The following MFN2 variants were observed in gnomAD, a reference collection of about 807,000 sequenced individuals.
MFN2 encodes mitofusin-2.
A neutral mutation model predicts 87.5 loss-of-function variants in MFN2; 43 were observed. That is an observed-to-expected ratio of 0.49 (90% CI 0.38 to 0.63). MFN2 has a LOEUF of 0.63. Ranked by LOEUF, MFN2 falls within the 30% of genes least tolerant of loss-of-function variation. MFN2 has a pLI of 0.00. For synonymous variants in MFN2, 337 were observed against 359.9 expected (o/e 0.94, Z 0.72); for missense variants, 743 against 972.8 (o/e 0.76, Z 3.14).
intron 15 of MFN2, 58 bp downstream of exon 15, chr1:12,005,989 C>CAGA: frequency 6.5e-7 from 1 of 1,532,670 alleles, no homozygotes; most frequent in South Asian, 1.1e-5. Context: ...ACCCTGCCTC[C>CAGA]AGACACGGGA....
intron 3 of MFN2, among the ~76,000 whole-genome samples, chr1:11,991,238 G>A (rs1638660861): frequency 1.3e-5 from 2 of 152,242 alleles, no homozygotes; most frequent in South Asian, 4.1e-4. Flanking sequence ...GGGTGCTGGG[G>A]TCAGATAGTG....
intron 3 of MFN2, among the ~76,000 whole-genome samples, chr1:11,991,303 T>C (rs1638663413): frequency 6.6e-6 from 1 of 151,736 alleles, no homozygotes; most frequent in East Asian, 1.9e-4. Context: ...TACCTTATGG[T>C]GAGGTGAGAG....
rs41278638 is a variant in MFN2, at chr1:12,012,665, A to G, written c.*1100A>G. On this transcript the variant is annotated 3_prime_UTR_variant, in exon 19 of 19. Transcript: ENST00000235329. ...CAGTGACTGCAGTTGGCCAAGGGAC[A>G]ATGTGGAAAACCCAGTGTCCATCTT... 0.047 allele frequency: 7,178 copies of G among 152,412 alleles called. 238 individuals carry two copies. Among genetic ancestry groups the G allele is most frequent in the South Asian group, 0.13 (634 of 4,822 alleles). 9.4% of individuals were successfully genotyped at this position (152,412 alleles called of 1,614,324 possible). A position where few individuals can be genotyped will look rare whatever the true frequency, so the allele number is the denominator to read the frequency against.
At chr1:12,005,027 C>T in intron 14 of MFN2, 100 bp downstream of exon 14, 1 of 921,932 alleles carries the variant, frequency 1.1e-6, no homozygotes. Flanking sequence ...TTATCTGTCA[C>T]TTTTCATGAT....
At chr1:11,989,857 T>A (rs938593418) in intron 3 of MFN2, among the ~76,000 whole-genome samples, 5 of 152,202 alleles carry the variant, frequency 3.3e-5, no homozygotes, top group African/African-American at 1.2e-4. Flanking sequence ...TACTAGTTAC[T>A]AATTTGAGCC....
chr1:11,999,716 G>A (rs1288106663), intron 8 of MFN2, among the ~76,000 whole-genome samples: 1 of 152,068 alleles, frequency 6.6e-6, no homozygotes, highest in Non-Finnish European at 1.5e-5. Flanking sequence ...GCATGGTGGT[G>A]CACACCTATA....
Position 12,011,819 on chromosome 1 carries a change from G to A in MFN2, c.*254G>A. On this transcript the variant is annotated 3_prime_UTR_variant, in exon 19 of 19. Coordinates refer to ENST00000235329, the MANE Select transcript of MFN2 (RefSeq NM_014874.4). ...CAGCTATGGACAGCATGGTACCAAGGAGTTAAGTTGAGGCTTTTTCCAGCT... is the reference window on the plus strand; with the variant it reads ...CAGCTATGGACAGCATGGTACCAAGAAGTTAAGTTGAGGCTTTTTCCAGCT... 1 of 565,812 alleles carries A rather than the reference G, an allele frequency of 1.8e-6. No homozygotes were observed. Among genetic ancestry groups the A allele is most frequent in the Non-Finnish European group, 3.2e-6 (1 of 315,558 alleles). 35.0% of individuals were successfully genotyped at this position (565,812 alleles called of 1,614,324 possible).
chr1:11,987,491 A>C (rs989177524), intron 2 of MFN2, among the ~76,000 whole-genome samples: 3 of 151,700 alleles, frequency 2.0e-5, no homozygotes, highest in African/African-American at 7.3e-5. Context: ...TTAGCCGGGC[A>C]TGGTGGCGAG....
In MFN2 at chr1:12,013,311, G is replaced by T. The variant is rs777822288; in HGVS notation, c.*1746G>T. The T allele has an allele frequency of 4.7e-5, 22 of 469,212 alleles. No homozygotes were observed. The highest frequency in any genetic ancestry group is 3.4e-4 in the South Asian group (22 of 63,912). 29.1% of individuals were successfully genotyped at this position (469,212 alleles called of 1,614,324 possible). A position where few individuals can be genotyped will look rare whatever the true frequency, so the allele number is the denominator to read the frequency against. ...ATTAAATTTATACCACTGAGGGAGAGACCCTTTCTGAAAGAAGTATGGCCA... is the reference window on the plus strand; with the variant it reads ...ATTAAATTTATACCACTGAGGGAGATACCCTTTCTGAAAGAAGTATGGCCA... On this transcript the variant is annotated 3_prime_UTR_variant, in exon 19 of 19. Transcript: ENST00000235329.
rs773334200 is a variant in MFN2 at position 12,002,142 on chromosome 1, C to G, written c.1160+39C>G. 6.8e-6 allele frequency: 11 copies of G among 1,612,822 alleles called. No individual in the cohort carries two copies. In the Admixed American group the frequency reaches 1.3e-4, roughly 20 times the overall value. ...ACTGCAGATAGGTGGAGAGAGCTGC[C>G]GAGACAAGGGTGCTCCACCCCTGCC... On this transcript the variant is annotated intron_variant, in intron 11 of 18. Transcript: ENST00000235329.
chr1:11,980,623 C>T (rs926098322), intron 1 of MFN2, 139 bp downstream of exon 1: 3 of 396,108 alleles, frequency 7.6e-6, no homozygotes, highest in Non-Finnish European at 1.3e-5. Flanking sequence ...CACTCTCCGG[C>T]CTCGCCGCCG....
At chr1:12,009,517 A>G in intron 17 of MFN2, 75 bp from the exon 18 acceptor site, 4 of 1,602,772 alleles carry the variant, frequency 2.5e-6, no homozygotes, top group Middle Eastern at 1.8e-4. Context: ...GCTGCTCCCT[A>G]CTGTGGGTGG....
At chr1:12,008,693 G>A (rs1240193540) in intron 17 of MFN2, among the ~76,000 whole-genome samples, 2 of 151,898 alleles carry the variant, frequency 1.3e-5, no homozygotes, top group African/African-American at 4.8e-5. Flanking sequence ...ATGGGATGGC[G>A]GCCGGGAAGA....
chr1:11,996,404 A>C lies in MFN2; in HGVS notation c.474+86A>C, dbSNP rs6678781. On this transcript the variant is annotated intron_variant, in intron 5 of 18. Coordinates refer to ENST00000235329, the MANE Select transcript of MFN2 (RefSeq NM_014874.4). The stretch of plus-strand genomic sequence containing the variant: ...GACACGGCTGACCTCACCTCTAGGG[A>C]GGGGGCAGCACCACCCTGTGGAGGT... 3,073 of 1,507,658 alleles carry C rather than the reference A, an allele frequency of 2.0e-3. 58 individuals carry two copies. The African/African-American group carries it at 0.038, about 19-fold the overall frequency. The allele number at this position is 1,507,658 out of a possible 1,614,324, so 93.4% of individuals were successfully genotyped here. A position where few individuals can be genotyped will look rare whatever the true frequency, so the allele number is the denominator to read the frequency against.
rs747291228 is a variant in MFN2 at position 12,012,173 on chromosome 1, TG to T, written c.*610del. ...GCTGAGGCGGGCCCTGTGCTGGGGG[TG>T]GTAGAAAGGATGCTGCTGAGGCAGC... On this transcript the variant is annotated 3_prime_UTR_variant, in exon 19 of 19. Coordinates refer to ENST00000235329, the MANE Select transcript of MFN2 (RefSeq NM_014874.4). The T allele has an allele frequency of 2.3e-4, 36 of 156,150 alleles. No homozygotes were observed. The highest frequency in any genetic ancestry group is 3.8e-4 in the Non-Finnish European group (27 of 70,514). 9.7% of individuals were successfully genotyped at this position (156,150 alleles called of 1,614,324 possible).
At chr1:12,009,487 C>T in intron 17 of MFN2, 105 bp from the exon 18 acceptor site, 1 of 1,509,184 alleles carries the variant, frequency 6.6e-7, no homozygotes, top group Non-Finnish European at 9.2e-7. Flanking sequence ...GAGCTGCTGG[C>T]AGGGATATAG....
intron 6 of MFN2, among the ~76,000 whole-genome samples, chr1:11,998,134 A>G (rs141692260): frequency 0.043 from 6,500 of 151,202 alleles, 228 homozygotes; most frequent in East Asian, 0.18. Flanking sequence ...CGCCCACCTT[A>G]GCCTCCCAAA....
Position 11,997,490 on chromosome 1 carries a change from A to G in MFN2, c.599+69A>G. On this transcript the variant is annotated intron_variant, in intron 6 of 18. Coordinates refer to ENST00000235329, the MANE Select transcript of MFN2 (RefSeq NM_014874.4). ...CCAGGTTTCCATTTCTGGATAATCT[A>G]GGCCAGGGTCCCTGGGCCCCATCCT... 4.4e-6 allele frequency: 7 copies of G among 1,604,872 alleles called. No homozygotes were observed. In the South Asian group the frequency reaches 7.7e-5, roughly 18 times the overall value.
chr1:11,996,406 G>C lies in MFN2; in HGVS notation c.474+88G>C, dbSNP rs540377814. 809 of 1,507,370 alleles carry C rather than the reference G, an allele frequency of 5.4e-4. 2 individuals carry two copies. The African/African-American group carries it at 9.7e-3, about 18-fold the overall frequency. The allele number at this position is 1,507,370 out of a possible 1,614,324, so 93.4% of individuals were successfully genotyped here. ...CACGGCTGACCTCACCTCTAGGGAGGGGGCAGCACCACCCTGTGGAGGTGA... is the reference window on the plus strand; with the variant it reads ...CACGGCTGACCTCACCTCTAGGGAGCGGGCAGCACCACCCTGTGGAGGTGA... On this transcript the variant is annotated intron_variant, in intron 5 of 18. Coordinates refer to ENST00000235329, the MANE Select transcript of MFN2 (RefSeq NM_014874.4).
Sources: gnomAD v4.1 joint callset for allele counts (sites outside exome capture counted in the v4.1 genomes callset) on GRCh38, gnomAD v4.1.1 for gene constraint, MANE v1.5 for transcripts, NCBI Gene and HGNC (gene_info 2026-07-23, HGNC 2026-07-21) for gene names.